SIRPG: variants seen among roughly 807,000 people sequenced by gnomAD.
SIRPG encodes signal-regulatory protein gamma.
SIRPG carries 38 observed loss-of-function variants against 35.7 expected under a neutral mutation model. That is an observed-to-expected ratio of 1.06 (90% CI 0.82 to 1.40). The LOEUF is 1.40. Ranked by LOEUF, SIRPG falls within the 40% of genes most tolerant of loss-of-function variation. The pLI, the probability that SIRPG is intolerant of heterozygous loss-of-function variation, is 0.00. For synonymous variants in SIRPG, 215 were observed against 190.4 expected (o/e 1.13, Z -1.06); for missense variants, 519 against 483.0 (o/e 1.07, Z -0.70).
At chr20:1,630,561 T>G (rs533135169) in intron 4 of SIRPG, 71 of 421,532 alleles carry the variant, frequency 1.7e-4, no homozygotes, top group Non-Finnish European at 2.5e-4. Flanking sequence ...TACTCAGGTA[T>G]TCATACATGT....
intron 2 of SIRPG, among the ~76,000 whole-genome samples, chr20:1,640,734 T>C (rs1024180866): frequency 5.3e-5 from 8 of 152,206 alleles, no homozygotes; most frequent in African/African-American, 1.9e-4. Context: ...ATTATGATAC[T>C]GGCTGTGGGG....
intron 2 of SIRPG, among the ~76,000 whole-genome samples, chr20:1,645,833 T>C (rs4813191): frequency 0.27 from 40,732 of 152,068 alleles, 5,877 homozygotes; most frequent in Admixed American, 0.38. Flanking sequence ...AGAGGCTCTG[T>C]GCACATCCTC....
the SIRPG span, among the ~76,000 whole-genome samples, chr20:1,674,316 A>G: frequency 6.6e-6 from 1 of 151,996 alleles, no homozygotes; most frequent in South Asian, 2.1e-4. Context: ...AGGCCTGGAG[A>G]AGCACTGACC....
upstream of SIRPG, among the ~76,000 whole-genome samples, chr20:1,662,126 C>T (rs1461483348): frequency 1.3e-5 from 2 of 152,296 alleles, no homozygotes; most frequent in South Asian, 2.1e-4. Context: ...GTCAGAAAAA[C>T]GAGGTCACAG....
the SIRPG span, among the ~76,000 whole-genome samples, chr20:1,686,222 T>C: frequency 2.8e-4 from 43 of 152,208 alleles, no homozygotes; most frequent in African/African-American, 9.4e-4. Flanking sequence ...GCCCAGTCCT[T>C]GACCTACCTT....
At chr20:1,646,706 G>A (rs2091900215) in intron 2 of SIRPG, 1 of 152,654 alleles carries the variant, frequency 6.6e-6, no homozygotes, top group Non-Finnish European at 1.5e-5. Flanking sequence ...GGAGTGCAAT[G>A]GTGCAATCTC....
chr20:1,649,569 G>T (rs918592662), intron 1 of SIRPG, among the ~76,000 whole-genome samples, 161 bp from the exon 2 acceptor site: 1 of 149,962 alleles, frequency 6.7e-6, no homozygotes, highest in East Asian at 2.0e-4. Context: ...CTCACAACAT[G>T]CCTATAACAT....
the SIRPG span, among the ~76,000 whole-genome samples, chr20:1,668,199 T>C: frequency 9.9e-4 from 67 of 67,442 alleles, no homozygotes; most frequent in East Asian, 0.023. Flanking sequence ...TTTTCTTTTC[T>C]TTTCTTTCTT....
intron 3 of SIRPG, 29 bp from the exon 4 acceptor site, chr20:1,635,628 T>C (rs368583183): frequency 1.9e-6 from 3 of 1,608,068 alleles, no homozygotes; most frequent in Non-Finnish European, 1.7e-6. Flanking sequence ...GAAGCTCTGA[T>C]CTTCTGGCAC....
chr20:1,674,959 T>A, the SIRPG span, among the ~76,000 whole-genome samples: 1 of 152,176 alleles, frequency 6.6e-6, no homozygotes, highest in Non-Finnish European at 1.5e-5. Context: ...TACCAAGCAC[T>A]CATGTCCATT....
At chr20:1,658,158 C>T (rs950734313), upstream of SIRPG, among the ~76,000 whole-genome samples, 6 of 152,138 alleles carry the variant, frequency 3.9e-5, no homozygotes, top group African/African-American at 7.2e-5. Flanking sequence ...AATGCCACTC[C>T]GCTGGACGTA....
intron 2 of SIRPG, among the ~76,000 whole-genome samples, chr20:1,642,819 C>T (rs919724115): frequency 2.6e-5 from 4 of 152,160 alleles, no homozygotes; most frequent in African/African-American, 9.7e-5. Context: ...ATTTCTCCTT[C>T]ACATATGAAG....
the SIRPG span, among the ~76,000 whole-genome samples, chr20:1,684,459 C>T: frequency 6.6e-6 from 1 of 152,080 alleles, no homozygotes; most frequent in South Asian, 2.1e-4. Context: ...AAAGTTTGTT[C>T]TGTCCTTATA....
intron 2 of SIRPG, among the ~76,000 whole-genome samples, chr20:1,648,651 TA>T (rs111984809): frequency 3.4e-4 from 49 of 142,590 alleles, no homozygotes; most frequent in Admixed American, 8.3e-4. Flanking sequence ...ATAAAATAAA[TA>T]AAAAAAAATA....
the SIRPG span, among the ~76,000 whole-genome samples, chr20:1,679,159 A>T: frequency 1.5e-4 from 23 of 152,334 alleles, no homozygotes; most frequent in African/African-American, 3.8e-4. Context: ...TGGTGTGGTG[A>T]GAGTTTATGA....
At position 1,649,107 on chromosome 20, in the gene SIRPG, C is replaced by A. The variant is rs1263661521; in HGVS notation, c.375G>T (p.Gly125=). The change falls in exon 2 of 6, where the codon GGG becomes GGT. Residue 125 remains glycine (G), a synonymous_variant. Transcript: ENST00000303415. ...ACTTAAACTCCACGTTCTCAGGGCT[C>A]CCTTTTCGAAACTTCACACAGTAGT... is the stretch of plus-strand genomic sequence containing the variant. ...GTYYCVKFRK[G]SPENVEFKSG... 4.3e-6 allele frequency: 7 copies of A among 1,613,920 alleles called. No individual in the cohort carries two copies. Among genetic ancestry groups the A allele is most frequent in the Non-Finnish European group, 5.9e-6 (7 of 1,179,872 alleles).
At chr20:1,648,223 A>G (rs1323767349) in intron 2 of SIRPG, 1 of 152,224 alleles carries the variant, frequency 6.6e-6, no homozygotes, top group African/African-American at 2.4e-5. Context: ...TGAGCCACCC[A>G]TACGTATGAC....
the SIRPG span, among the ~76,000 whole-genome samples, chr20:1,665,860 T>G: frequency 3.9e-5 from 6 of 152,206 alleles, no homozygotes; most frequent in African/African-American, 1.4e-4. Flanking sequence ...TGTTGATTTT[T>G]AGGAACGTTT....
At chr20:1,677,464 T>C in the SIRPG span, among the ~76,000 whole-genome samples, 3 of 152,316 alleles carry the variant, frequency 2.0e-5, no homozygotes, top group East Asian at 3.9e-4. Context: ...AAGGCTCTGA[T>C]GGAGTCTGCT....
Sources: allele counts gnomAD v4.1 joint callset (sites outside exome capture counted in the v4.1 genomes callset), GRCh38; gene constraint gnomAD v4.1.1; transcripts MANE v1.5; gene names NCBI Gene and HGNC (gene_info 2026-07-23, HGNC 2026-07-21).